ASTN2: variants seen among roughly 807,000 people sequenced by gnomAD.
ASTN2 encodes astrotactin-2.
In ASTN2, 54 loss-of-function variants were observed where a neutral mutation model predicts 139.8. That is an observed-to-expected ratio of 0.39 (90% CI 0.31 to 0.48). ASTN2 has a LOEUF of 0.48. ASTN2 is among the 20% of genes least tolerant of loss of function. ASTN2 has a pLI of 0.95. For missense variants in ASTN2, 1,565 were observed against 1,725.1 expected, an observed-to-expected ratio of 0.91 and a Z score of 1.64; for synonymous variants, 756 against 719.5, an observed-to-expected ratio of 1.05 and a Z score of -0.81.
chr9:116,885,719 G>A (rs1564322818), intron 10 of ASTN2, among the ~76,000 whole-genome samples: 1 of 152,034 alleles, frequency 6.6e-6, no homozygotes, highest in Admixed American at 6.6e-5. Flanking sequence ...TCTCTAAATA[G>A]TCACTTTCTG....
chr9:116,619,934 C>A (rs559865593), intron 18 of ASTN2, among the ~76,000 whole-genome samples: 15 of 152,142 alleles, frequency 9.9e-5, no homozygotes, highest in Middle Eastern at 3.4e-3. Context: ...AATCTTGTTT[C>A]GTAGAAGAGG....
intron 16 of ASTN2, among the ~76,000 whole-genome samples, chr9:116,707,396 C>T (rs1305806409): frequency 6.6e-6 from 1 of 151,304 alleles, no homozygotes; most frequent in Non-Finnish European, 1.5e-5. Flanking sequence ...ACTGGGTCCT[C>T]AAACCCTATA....
chr9:116,989,869 C>T (rs1183541434), intron 7 of ASTN2, among the ~76,000 whole-genome samples: 1 of 152,134 alleles, frequency 6.6e-6, no homozygotes, highest in Non-Finnish European at 1.5e-5. Context: ...CAGGCTTCTG[C>T]TTTATGTTTT....
chr9:117,067,599 G>C (rs999075622), intron 5 of ASTN2, among the ~76,000 whole-genome samples: 3 of 145,848 alleles, frequency 2.1e-5, no homozygotes, highest in Non-Finnish European at 4.6e-5. Context: ...ACCTTGGGCA[G>C]TATGGCCATT....
At position 116,423,506 on chromosome 9, in the gene ASTN2, C is replaced by T. The variant is rs1453507776; in HGVS notation, c.*2345G>A. ...AATTGTTCCTCGGGTTGGGTCAAGA[C>T]AATGGAAAGCAACAGCAACCTGATA... On this transcript the variant is annotated 3_prime_UTR_variant, in exon 23 of 23. Transcript: ENST00000313400. Among the ~76,000 whole-genome samples, 2 of 152,172 alleles carry T rather than the reference C, an allele frequency of 1.3e-5. No individual in the cohort carries two copies. Among genetic ancestry groups the T allele is most frequent in the East Asian group, 1.9e-4 (1 of 5,190 alleles).
chr9:116,972,483 A>T (rs1485152846), intron 10 of ASTN2, among the ~76,000 whole-genome samples: 1 of 152,128 alleles, frequency 6.6e-6, no homozygotes, highest in Non-Finnish European at 1.5e-5. Flanking sequence ...ACACATTTAC[A>T]TATTTCTGTT....
Position 116,733,424 on chromosome 9 carries a change from G to A in ASTN2, c.2496C>T (p.Pro832=). ...CAGTGAGCAGTTGGAGGTCTGGAAG[G>A]GGCTCGGAGAGGACCCCCCGGCACT... is the stretch of plus-strand genomic sequence containing the variant. ...EEQCRGVLSE[P]LPDLQLLTGD... Residue 832 remains proline (P), a synonymous_variant, in exon 14 of 23, where the codon CCC becomes CCT. Coordinates refer to ENST00000313400, the MANE Select transcript of ASTN2 (RefSeq NM_001365068.1). The A allele has an allele frequency of 6.2e-7, 1 of 1,614,126 alleles. No homozygotes were observed. The highest frequency in any genetic ancestry group is 2.2e-5 in the East Asian group (1 of 44,870).
At chr9:116,798,478 A>C (rs1169932374) in intron 13 of ASTN2, among the ~76,000 whole-genome samples, 1 of 152,194 alleles carries the variant, frequency 6.6e-6, no homozygotes, top group African/African-American at 2.4e-5. Flanking sequence ...TTTGGTGTTA[A>C]ACCCAGATGC....
intron 3 of ASTN2, among the ~76,000 whole-genome samples, chr9:117,153,095 G>A (rs559870619): frequency 1.3e-5 from 2 of 152,146 alleles, no homozygotes; most frequent in South Asian, 4.2e-4. Flanking sequence ...TGTGTGACTT[G>A]CTTTGGTGAA....
intron 10 of ASTN2, among the ~76,000 whole-genome samples, chr9:116,972,058 T>C (rs1174343097): frequency 6.6e-6 from 1 of 152,182 alleles, no homozygotes; most frequent in East Asian, 1.9e-4. Flanking sequence ...AAAACACTCA[T>C]GTAACCACCA....
At chr9:116,935,822 T>C (rs1305387158) in intron 10 of ASTN2, among the ~76,000 whole-genome samples, 3 of 152,164 alleles carry the variant, frequency 2.0e-5, no homozygotes, top group African/African-American at 7.2e-5. Context: ...ACGATTTATG[T>C]TTACCATGTT....
At chr9:116,839,944 C>T (rs375537792) in intron 11 of ASTN2, among the ~76,000 whole-genome samples, 4 of 143,780 alleles carry the variant, frequency 2.8e-5, no homozygotes, top group East Asian at 2.1e-4. Context: ...GGCAGGGTCA[C>T]AGGACAATAG....
Position 116,488,669 on chromosome 9 carries a change from T to C in ASTN2, c.3356-1169A>G, listed in dbSNP as rs552107208. ...GTGAAGTTAAAAACAGGTTACACTA[T>C]TACAAAATAATCTCATTTTTGTAGA... On this transcript the variant is annotated intron_variant, in intron 19 of 22. Coordinates refer to ENST00000313400, the MANE Select transcript of ASTN2 (RefSeq NM_001365068.1). Among the ~76,000 whole-genome samples the C allele has an allele frequency of 2.2e-4, 33 of 152,300 alleles. 1 individual carries two copies. The highest frequency in any genetic ancestry group is 7.9e-4 in the African/African-American group (33 of 41,560).
chr9:117,139,208 C>G (rs1830017941), intron 4 of ASTN2, among the ~76,000 whole-genome samples: 1 of 152,174 alleles, frequency 6.6e-6, no homozygotes, highest in Non-Finnish European at 1.5e-5. Context: ...TTACCCAGAA[C>G]AAACATAAGA....
At chr9:117,223,133 A>G (rs1023533346) in intron 2 of ASTN2, among the ~76,000 whole-genome samples, 1 of 152,202 alleles carries the variant, frequency 6.6e-6, no homozygotes, top group Non-Finnish European at 1.5e-5. Flanking sequence ...TCAGCTGTAT[A>G]CCTTGGAAAG....
intron 5 of ASTN2, among the ~76,000 whole-genome samples, chr9:117,059,364 A>C (rs1839170006): frequency 6.6e-6 from 1 of 152,186 alleles, no homozygotes; most frequent in Non-Finnish European, 1.5e-5. Flanking sequence ...CTGTAATCCC[A>C]GCACTTTGGG....
intron 1 of ASTN2, among the ~76,000 whole-genome samples, chr9:117,309,969 T>G (rs554326119): frequency 6.6e-6 from 1 of 152,258 alleles, no homozygotes; most frequent in South Asian, 2.1e-4. Flanking sequence ...CCCTGCAAAT[T>G]ATGTAGCTGG....
At chr9:116,847,629 C>T (rs1409015061) in intron 11 of ASTN2, among the ~76,000 whole-genome samples, 1 of 152,182 alleles carries the variant, frequency 6.6e-6, no homozygotes, top group Non-Finnish European at 1.5e-5. Flanking sequence ...AATATTAACT[C>T]ATTATGTGCA....
At chr9:117,390,402 C>G (rs183094049) in intron 1 of ASTN2, among the ~76,000 whole-genome samples, 2 of 152,300 alleles carry the variant, frequency 1.3e-5, no homozygotes, top group East Asian at 1.9e-4. Flanking sequence ...AGTGTACATT[C>G]TATGGGTTTG....
Sources: allele counts gnomAD v4.1 joint callset (sites outside exome capture counted in the v4.1 genomes callset), GRCh38; gene constraint gnomAD v4.1.1; transcripts MANE v1.5; gene names NCBI Gene and HGNC (gene_info 2026-07-23, HGNC 2026-07-21).